The following JDP2 variants were observed in gnomAD, a reference collection of about 807,000 sequenced individuals.
JDP2 encodes the protein Jun dimerization protein 2, also known as progesterone receptor co-activator.
In JDP2, 9 loss-of-function variants were observed where a neutral mutation model predicts 17.1. The ratio of observed to expected loss-of-function variants is 0.53; its 90% CI spans 0.32 to 0.92. JDP2 has a LOEUF of 0.92. Ranked by LOEUF, JDP2 falls within the 40% of genes least tolerant of loss-of-function variation. The pLI, the probability that JDP2 is intolerant of heterozygous loss-of-function variation, is 0.04. For missense variants in JDP2, 179 were observed against 220.0 expected (o/e 0.81, Z 1.18); for synonymous variants, 107 against 95.6 (o/e 1.12, Z -0.69).
chr14:75,465,671 A>G (rs921268380), intron 3 of JDP2, among the ~76,000 whole-genome samples: 4 of 152,132 alleles, frequency 2.6e-5, no homozygotes, highest in African/African-American at 7.2e-5. Flanking sequence ...TGGGCCAATC[A>G]TCATATTTTC....
At chr14:75,457,912 G>A (rs1886186894) in intron 2 of JDP2, among the ~76,000 whole-genome samples, 1 of 152,250 alleles carries the variant, frequency 6.6e-6, no homozygotes, top group Admixed American at 6.5e-5. Context: ...ATGCAAACGG[G>A]TGATAAGTCA....
chr14:75,451,520 G>T (rs1202563360), intron 2 of JDP2, among the ~76,000 whole-genome samples: 2 of 152,150 alleles, frequency 1.3e-5, no homozygotes, highest in African/African-American at 2.4e-5. Context: ...TAGTGTATGG[G>T]TGGTGGCTGA....
chr14:75,438,175 T>C lies in JDP2; in HGVS notation c.201+54T>C, dbSNP rs1021049282. 3.8e-5 allele frequency: 53 copies of C among 1,377,378 alleles called. No homozygotes were observed. In the African/African-American group the frequency reaches 7.3e-4, roughly 19 times the overall value. 85.3% of individuals were successfully genotyped at this position (1,377,378 alleles called of 1,614,324 possible). A position where few individuals can be genotyped will look rare whatever the true frequency, so the allele number is the denominator to read the frequency against. On this transcript the variant is annotated intron_variant, in intron 2 of 3. Transcript: ENST00000651602. Reference sequence around the variant, plus strand: ...TCCAGGTCTGGCCTTAAACCCACCATGGGACCTTAACCTTGCTGTTCAAAG... The same window carrying C: ...TCCAGGTCTGGCCTTAAACCCACCACGGGACCTTAACCTTGCTGTTCAAAG...
chr14:75,470,447 T>G lies in JDP2; in HGVS notation c.*972T>G, dbSNP rs535761248. On this transcript the variant is annotated 3_prime_UTR_variant, in exon 4 of 4. Coordinates refer to ENST00000651602, the MANE Select transcript of JDP2 (RefSeq NM_001135048.2). ...CTGTATCGCTCAGTAAACATTGCTC[T>G]TACTTACATAGCCGCCTTGCGTGGT... 3.2e-4 allele frequency: 49 copies of G among 152,782 alleles called. No homozygotes were observed. Among genetic ancestry groups the G allele is most frequent in the African/African-American group, 1.2e-3 (49 of 41,534 alleles). 9.5% of individuals were successfully genotyped at this position (152,782 alleles called of 1,614,324 possible). A position where few individuals can be genotyped will look rare whatever the true frequency, so the allele number is the denominator to read the frequency against.
At chr14:75,432,049 A>G in intron 1 of JDP2, 1 of 546,738 alleles carries the variant, frequency 1.8e-6, no homozygotes, top group Non-Finnish European at 3.3e-6. Context: ...GGACAGAGCT[A>G]GGATTCACAC....
intron 1 of JDP2, among the ~76,000 whole-genome samples, chr14:75,433,931 C>T (rs757343842): frequency 3.3e-5 from 5 of 152,176 alleles, no homozygotes; most frequent in Non-Finnish European, 4.4e-5. Flanking sequence ...TGTTTATCTG[C>T]CTTTCAGACC....
At chr14:75,450,379 C>A (rs1470634378) in intron 2 of JDP2, among the ~76,000 whole-genome samples, 1 of 152,222 alleles carries the variant, frequency 6.6e-6, no homozygotes, top group East Asian at 1.9e-4. Context: ...GTCTCTGGGT[C>A]TTCTCAGTTG....
At chr14:75,467,098 C>G (rs1454898030) in intron 3 of JDP2, among the ~76,000 whole-genome samples, 1 of 152,166 alleles carries the variant, frequency 6.6e-6, no homozygotes, top group Non-Finnish European at 1.5e-5. Context: ...GATTCTGAAC[C>G]CACAAGCTTT....
Position 75,437,941 on chromosome 14 carries a change from G to A in JDP2, c.21G>A (p.Pro7=), listed in dbSNP as rs757800360. The part of the protein sequence containing the change: MMPGQI[P]DPSVTTGSLP... ...CTGCTATGATGCCTGGGCAGATCCC[G>A]GACCCTTCGGTGACCACAGGCTCCC... Residue 7 remains proline (P), a synonymous_variant, in exon 2 of 4, where the codon CCG becomes CCA. Transcript: ENST00000651602. The A allele has an allele frequency of 8.1e-6, 13 of 1,611,844 alleles. No individual in the cohort carries two copies. The highest frequency in any genetic ancestry group is 2.2e-5 in the East Asian group (1 of 44,798).
chr14:75,432,941 C>A (rs1289550706), intron 1 of JDP2, among the ~76,000 whole-genome samples: 1 of 152,010 alleles, frequency 6.6e-6, no homozygotes, highest in South Asian at 2.1e-4. Context: ...GTGGCTCACG[C>A]CCGTAATCCC....
intron 2 of JDP2, among the ~76,000 whole-genome samples, chr14:75,443,285 G>A (rs1279203986): frequency 6.6e-6 from 1 of 152,200 alleles, no homozygotes; most frequent in African/African-American, 2.4e-5. Flanking sequence ...CTGGGTAAAT[G>A]TTGGCCTAAG....
Position 75,469,547 on chromosome 14 carries a change from GC to G in JDP2, c.*76del. ...GTGACGAAGAGAGAGGAGGAGGGGG[GC>G]CCCAGATGGCCCTTCCTTTGGTGCA... On this transcript the variant is annotated 3_prime_UTR_variant, in exon 4 of 4. Transcript: ENST00000651602. 1.5e-6 allele frequency: 2 copies of G among 1,303,628 alleles called. No homozygotes were observed. The highest frequency in any genetic ancestry group is 1.4e-5 in the South Asian group (1 of 73,276). The allele number at this position is 1,303,628 out of a possible 1,614,324, so 80.8% of individuals were successfully genotyped here.
Position 75,437,843 on chromosome 14 carries a change from C to T in JDP2, c.-23-55C>T, listed in dbSNP as rs1454603410. On this transcript the variant is annotated intron_variant, in intron 1 of 3. Transcript: ENST00000651602. ...TCCTGGCAAGACGAGGGACTTGAGC[C>T]CTCCTGGAGCCCCCAACCTGGCTGA... 7 of 1,271,358 alleles carry T rather than the reference C, an allele frequency of 5.5e-6. No individual in the cohort carries two copies. In the Admixed American group the frequency reaches 7.5e-5, roughly 14 times the overall value. The allele number at this position is 1,271,358 out of a possible 1,614,324, so 78.8% of individuals were successfully genotyped here.
Position 75,473,976 on chromosome 14 carries a change from T to A in JDP2, c.*4501T>A, listed in dbSNP as rs1474172027. ...ACACATAACATTTCATTTATTTTTTTAAAATCCCCATCAAATGTAGAATGA... is the reference window on the plus strand; with the variant it reads ...ACACATAACATTTCATTTATTTTTTAAAAATCCCCATCAAATGTAGAATGA... On this transcript the variant is annotated 3_prime_UTR_variant, in exon 4 of 4. Coordinates refer to ENST00000651602, the MANE Select transcript of JDP2 (RefSeq NM_001135048.2). 5.3e-5 allele frequency: 8 copies of A among 152,246 alleles called. No homozygotes were observed. The highest frequency in any genetic ancestry group is 1.4e-4 in the African/African-American group (6 of 41,462). 9.4% of individuals were successfully genotyped at this position (152,246 alleles called of 1,614,324 possible).
At chr14:75,461,191 C>G (rs1301504353) in intron 2 of JDP2, among the ~76,000 whole-genome samples, 1 of 152,214 alleles carries the variant, frequency 6.6e-6, no homozygotes, top group Admixed American at 6.5e-5. Context: ...CAAACCAGAG[C>G]AGAATCCCTG....
intron 1 of JDP2, among the ~76,000 whole-genome samples, chr14:75,429,483 C>T (rs1487809858): frequency 3.3e-5 from 5 of 152,146 alleles, no homozygotes; most frequent in Non-Finnish European, 7.4e-5. Flanking sequence ...CCCAAACGTC[C>T]TTTAAGCCCT....
At position 75,432,062 on chromosome 14, in the gene JDP2, A is replaced by C. The variant is rs76898446; in HGVS notation, c.-24+3810A>C. On this transcript the variant is annotated intron_variant, in intron 1 of 3. Transcript: ENST00000651602. The stretch of plus-strand genomic sequence containing the variant: ...AGGGACAGAGCTAGGATTCACACTC[A>C]GGTGATCTGGCTCCAAAACCGCCAC... 7.0e-3 allele frequency: 3,949 copies of C among 563,638 alleles called. 20 individuals are homozygous for C. The highest frequency in any genetic ancestry group is 0.01 in the Non-Finnish European group (3,290 of 315,412). The allele number at this position is 563,638 out of a possible 1,614,324, so 34.9% of individuals were successfully genotyped here.
chr14:75,428,215 G>T lies in JDP2; in HGVS notation c.-61G>T, dbSNP rs1263151908. 1 of 145,884 alleles carries T rather than the reference G, an allele frequency of 6.9e-6. No homozygotes were observed. Among genetic ancestry groups the T allele is most frequent in the Non-Finnish European group, 1.5e-5 (1 of 65,644 alleles). The allele number at this position is 145,884 out of a possible 1,614,324, so 9.0% of individuals were successfully genotyped here. A position where few individuals can be genotyped will look rare whatever the true frequency, so the allele number is the denominator to read the frequency against. ...GCACGGCGCCTGCAGCCGGGCCCCG[G>T]CCCCGGGGGCGCCGCCTCCCCCCGC... On this transcript the variant is annotated 5_prime_UTR_variant, in exon 1 of 4. Coordinates refer to ENST00000651602, the MANE Select transcript of JDP2 (RefSeq NM_001135048.2). This position sits in a 1 kb window ranked among gnomAD's most constrained non-coding sequence, Gnocchi z 5.6.
rs993074736 is a variant in JDP2, at chr14:75,447,062, G to A, written c.201+8941G>A. Among the ~76,000 whole-genome samples the A allele has an allele frequency of 5.3e-5, 8 of 152,144 alleles. No individual in the cohort carries two copies. In the East Asian group the frequency reaches 5.8e-4, roughly 11 times the overall value. On this transcript the variant is annotated intron_variant, in intron 2 of 3. Transcript: ENST00000651602. ...CTGATAGGATTTAATATAGAACTAG[G>A]GAGGATATATGGTATAGAATAGCAG...
Sources: gnomAD v4.1 joint callset for allele counts (sites outside exome capture counted in the v4.1 genomes callset) on GRCh38, gnomAD v4.1.1 for gene constraint, Gnocchi (gnomAD v3.1) non-coding constraint, MANE v1.5 for transcripts, NCBI Gene and HGNC (gene_info 2026-07-23, HGNC 2026-07-21) for gene names.